SLCO2A1: variants seen among roughly 807,000 people sequenced by gnomAD.
SLCO2A1 encodes the protein matrin F/G 1.
Under a neutral mutation model 71.7 loss-of-function variants are expected in SLCO2A1, and 60 were observed. The observed-to-expected ratio is 0.84, with a 90% CI of 0.68 to 1.04. SLCO2A1 has a LOEUF of 1.04. Ranked by LOEUF, SLCO2A1 falls within the 50% of genes least tolerant of loss-of-function variation. The pLI, the probability that SLCO2A1 is intolerant of heterozygous loss-of-function variation, is 0.00. For synonymous variants in SLCO2A1, 308 were observed against 326.7 expected, an observed-to-expected ratio of 0.94 and a Z score of 0.62; for missense variants, 745 against 813.4, an observed-to-expected ratio of 0.92 and a Z score of 1.02.
intron 13 of SLCO2A1, 58 bp downstream of exon 13, chr3:133,935,716 A>G: frequency 1.3e-6 from 2 of 1,494,848 alleles, no homozygotes; most frequent in Non-Finnish European, 1.8e-6. Context: ...GCATATGACT[A>G]CTGTCATCTC....
intron 3 of SLCO2A1, among the ~76,000 whole-genome samples, chr3:133,961,312 A>G (rs546823540): frequency 7.9e-5 from 12 of 152,244 alleles, no homozygotes; most frequent in African/African-American, 2.9e-4. Flanking sequence ...CTGCTGTAGG[A>G]TAGCAGGGGC....
intron 10 of SLCO2A1, 113 bp downstream of exon 10, chr3:133,944,980 AGT>A (rs139999843): frequency 4.4e-5 from 50 of 1,125,104 alleles, no homozygotes; most frequent in South Asian, 6.0e-5. Context: ...GCTGGTAATG[AGT>A]GTGTGTGTGG....
chr3:134,007,430 T>C (rs1177831820), intron 1 of SLCO2A1, among the ~76,000 whole-genome samples: 1 of 152,254 alleles, frequency 6.6e-6, no homozygotes, highest in Non-Finnish European at 1.5e-5. Flanking sequence ...TGTTTTCCTC[T>C]AAGAGTTTTA....
intron 2 of SLCO2A1, among the ~76,000 whole-genome samples, chr3:133,977,732 G>C (rs1934494103): frequency 6.6e-6 from 1 of 152,132 alleles, no homozygotes; most frequent in African/African-American, 2.4e-5. Flanking sequence ...TGTTTTCCCT[G>C]ATATCCATCA....
At chr3:133,951,582 C>T (rs562738675) in intron 5 of SLCO2A1, among the ~76,000 whole-genome samples, 1 of 152,152 alleles carries the variant, frequency 6.6e-6, no homozygotes, top group African/African-American at 2.4e-5. Flanking sequence ...CAGGAGGGAG[C>T]AGTACCTTCA....
At chr3:134,018,455 C>T (rs1300284831) in intron 1 of SLCO2A1, among the ~76,000 whole-genome samples, 4 of 152,176 alleles carry the variant, frequency 2.6e-5, no homozygotes, top group African/African-American at 9.7e-5. Flanking sequence ...TAATTCTCCC[C>T]CCATTTTTTG....
intron 1 of SLCO2A1, among the ~76,000 whole-genome samples, chr3:133,984,801 A>G (rs1354856303): frequency 6.6e-6 from 1 of 152,170 alleles, no homozygotes; most frequent in East Asian, 1.9e-4. Context: ...ATAGTTTTTG[A>G]TGATTTGAGT....
At chr3:134,002,754 G>C (rs566997856) in intron 1 of SLCO2A1, among the ~76,000 whole-genome samples, 69 of 152,266 alleles carry the variant, frequency 4.5e-4, no homozygotes, top group African/African-American at 1.6e-3. Context: ...GCTACTCCAG[G>C]CACCGTACTT....
chr3:133,966,217 T>C (rs1934162265), intron 3 of SLCO2A1, among the ~76,000 whole-genome samples: 1 of 152,196 alleles, frequency 6.6e-6, no homozygotes, highest in African/African-American at 2.4e-5. Flanking sequence ...AGGGGAACTT[T>C]TGTGCCACTA....
intron 1 of SLCO2A1, among the ~76,000 whole-genome samples, chr3:134,024,222 T>C (rs7650634): frequency 0.52 from 78,704 of 152,076 alleles, 21,851 homozygotes; most frequent in South Asian, 0.68. Context: ...TGGCATTTCA[T>C]CAACCAGAAG....
intron 3 of SLCO2A1, among the ~76,000 whole-genome samples, chr3:133,956,401 G>A (rs942029060): frequency 6.6e-6 from 1 of 152,186 alleles, no homozygotes; most frequent in Non-Finnish European, 1.5e-5. Context: ...CCCCACTGTT[G>A]TCTGCCCTCT....
rs746193424 is a variant in SLCO2A1, at chr3:133,992,776, G to T, written c.97-13158C>A. Among the ~76,000 whole-genome samples the T allele has an allele frequency of 9.2e-5, 14 of 152,300 alleles. No homozygotes were observed. In the South Asian group the frequency reaches 1.2e-3, roughly 14 times the overall value. On this transcript the variant is annotated intron_variant, in intron 1 of 13. Transcript: ENST00000310926. ...TGTCCAGGGACAGCTGGACTCCAGG[G>T]AATATTACCTTCCTGTTCCCTTTTC...
At chr3:134,007,467 T>C (rs1488291151) in intron 1 of SLCO2A1, among the ~76,000 whole-genome samples, 1 of 152,244 alleles carries the variant, frequency 6.6e-6, no homozygotes, top group Non-Finnish European at 1.5e-5. Context: ...ATTTAGATCT[T>C]TTATTCATTT....
chr3:134,014,591 C>G (rs1392137298), intron 1 of SLCO2A1, among the ~76,000 whole-genome samples: 1 of 152,168 alleles, frequency 6.6e-6, no homozygotes, highest in Non-Finnish European at 1.5e-5. Flanking sequence ...TAGAAGAGTC[C>G]AGACCTAACT....
intron 3 of SLCO2A1, among the ~76,000 whole-genome samples, chr3:133,958,275 C>T (rs1191609029): frequency 6.6e-6 from 1 of 152,178 alleles, no homozygotes; most frequent in African/African-American, 2.4e-5. Flanking sequence ...ATTCGTGGCT[C>T]TCTATGTTGG....
intron 6 of SLCO2A1, 123 bp downstream of exon 6, chr3:133,951,084 AT>A (rs1228913646): frequency 2.3e-6 from 3 of 1,328,488 alleles, no homozygotes; most frequent in Non-Finnish European, 3.2e-6. Flanking sequence ...GCATCATGAA[AT>A]TTGTTTAGAT....
chr3:133,951,100 C>A, intron 6 of SLCO2A1, 108 bp downstream of exon 6: 6 of 1,449,732 alleles, frequency 4.1e-6, no homozygotes, highest in Non-Finnish European at 5.8e-6. Context: ...TTAGATTTCA[C>A]CCTGAATTTG....
chr3:134,029,613 G>A, intron 1 of SLCO2A1, 94 bp downstream of exon 1: 13 of 1,014,202 alleles, frequency 1.3e-5, no homozygotes, highest in Non-Finnish European at 1.8e-5. Context: ...CGGGGCTCCC[G>A]GAGCCTCCTG....
intron 3 of SLCO2A1, among the ~76,000 whole-genome samples, chr3:133,971,399 CCA>C (rs1304068939): frequency 6.6e-6 from 1 of 152,208 alleles, no homozygotes; most frequent in East Asian, 1.9e-4. Context: ...GGATTCAGCC[CCA>C]CAGAGTCCAT....
Sources: gnomAD v4.1 joint callset for allele counts (sites outside exome capture counted in the v4.1 genomes callset) on GRCh38, gnomAD v4.1.1 for gene constraint, MANE v1.5 for transcripts, NCBI Gene and HGNC (gene_info 2026-07-23, HGNC 2026-07-21) for gene names.